Variants in HYDIN observed in about 807,000 individuals in gnomAD.
The protein encoded by HYDIN is HYDIN axonemal central pair apparatus protein.
Under a neutral mutation model 403.9 loss-of-function variants are expected in HYDIN, and 132 were observed. The observed-to-expected ratio is 0.33, with a 90% CI of 0.28 to 0.38. The LOEUF (loss-of-function observed/expected upper bound fraction) is 0.38, where lower values mean the gene tolerates loss of function less well. Ranked by LOEUF, HYDIN falls within the 10% of genes least tolerant of loss-of-function variation. The probability of loss-of-function intolerance (pLI) is 1.00; values close to 1 mark genes in which losing one functional copy is unlikely to be tolerated. For synonymous variants in HYDIN, 1,202 were observed against 1,891.7 expected (o/e 0.64, Z 9.46); for missense variants, 2,827 against 5,009.5 (o/e 0.56, Z 13.15).
At chr16:70,935,032 CT>C (rs1436384306) in intron 45 of HYDIN, among the ~76,000 whole-genome samples, 1 of 137,768 alleles carries the variant, frequency 7.3e-6, no homozygotes, top group Non-Finnish European at 1.6e-5. Flanking sequence ...AAGAAATTGA[CT>C]TTGTTTAATG....
At chr16:70,892,157 G>A (rs1326684206) in intron 56 of HYDIN, among the ~76,000 whole-genome samples, 1 of 149,010 alleles carries the variant, frequency 6.7e-6, no homozygotes, top group African/African-American at 2.5e-5. Flanking sequence ...CCAAAGACCT[G>A]GGGGCACATT....
At chr16:71,135,139 A>G (rs928412314) in intron 8 of HYDIN, among the ~76,000 whole-genome samples, 3 of 151,388 alleles carry the variant, frequency 2.0e-5, no homozygotes, top group Non-Finnish European at 4.4e-5. Context: ...GTTTCCAATC[A>G]TGGTTATAAA....
intron 7 of HYDIN, among the ~76,000 whole-genome samples, chr16:71,141,129 T>G (rs986546963): frequency 1.5e-4 from 22 of 150,138 alleles, no homozygotes; most frequent in African/African-American, 5.1e-4. Context: ...ATGGTAGCAG[T>G]GCATGAAGAG....
At position 70,805,969 on chromosome 16, in the gene HYDIN, TC is replaced by T. The variant is rs2035087600; in HGVS notation, c.*1610del. Among the ~76,000 whole-genome samples, 1 of 152,164 alleles carries T rather than the reference TC, an allele frequency of 6.6e-6. No homozygotes were observed. The highest frequency in any genetic ancestry group is 1.5e-5 in the Non-Finnish European group (1 of 68,032). Reference sequence around the variant, plus strand: ...TCCATCCTGCTCAGGATGTGAATCATCCCCTCGTCTAGCGTATGCATGCTGT... The same window carrying T: ...TCCATCCTGCTCAGGATGTGAATCATCCCTCGTCTAGCGTATGCATGCTGT... On this transcript the variant is annotated 3_prime_UTR_variant, in exon 86 of 86. Coordinates refer to ENST00000393567, the MANE Select transcript of HYDIN (RefSeq NM_001270974.2).
intron 1 of HYDIN, among the ~76,000 whole-genome samples, chr16:71,193,492 GTCTT>G (rs1234429002): frequency 6.6e-6 from 1 of 152,068 alleles, no homozygotes; most frequent in Non-Finnish European, 1.5e-5. Flanking sequence ...TTAAAGCTCT[GTCTT>G]TATAGATTTG....
At chr16:71,196,942 G>A (rs1448656269) in intron 1 of HYDIN, among the ~76,000 whole-genome samples, 1 of 152,084 alleles carries the variant, frequency 6.6e-6, no homozygotes, top group African/African-American at 2.4e-5. Flanking sequence ...ATAAAAATGG[G>A]TAACCAGCAG....
intron 1 of HYDIN, among the ~76,000 whole-genome samples, chr16:71,224,719 G>A (rs890481248): frequency 9.3e-5 from 14 of 151,020 alleles, no homozygotes; most frequent in Middle Eastern, 3.4e-3. Context: ...CCGCCACTAC[G>A]CCCGGCTAAT....
At chr16:70,982,604 A>G (rs2079079852) in intron 28 of HYDIN, among the ~76,000 whole-genome samples, 1 of 134,540 alleles carries the variant, frequency 7.4e-6, no homozygotes, top group Admixed American at 7.8e-5. Flanking sequence ...TGCAGATGGT[A>G]GCATACAGAG....
intron 19 of HYDIN, among the ~76,000 whole-genome samples, chr16:71,031,114 G>A (rs929464657): frequency 3.1e-4 from 46 of 149,516 alleles, no homozygotes; most frequent in African/African-American, 1.0e-3. Flanking sequence ...GCAGGAGAAT[G>A]GCGTGAACCC....
At chr16:70,823,871 C>T (rs868852804) in intron 83 of HYDIN, among the ~76,000 whole-genome samples, 51 of 145,566 alleles carry the variant, frequency 3.5e-4, no homozygotes, top group Middle Eastern at 7.0e-3. Flanking sequence ...AGCTCCTTGG[C>T]GGCTGCTGTG....
At chr16:71,158,674 A>T (rs566378690) in intron 6 of HYDIN, among the ~76,000 whole-genome samples, 6 of 148,980 alleles carry the variant, frequency 4.0e-5, no homozygotes, top group Admixed American at 1.3e-4. Context: ...CAATTGAAAA[A>T]GATGGTTTTT....
At chr16:70,978,080 A>ATC (rs2078938426) in intron 30 of HYDIN, among the ~76,000 whole-genome samples, 1 of 151,880 alleles carries the variant, frequency 6.6e-6, no homozygotes, top group South Asian at 2.1e-4. Flanking sequence ...GATGCACAGA[A>ATC]ATCTCACATT....
chr16:71,041,378 C>A (rs2081281875), intron 18 of HYDIN, among the ~76,000 whole-genome samples: 1 of 151,674 alleles, frequency 6.6e-6, no homozygotes, highest in African/African-American at 2.4e-5. Flanking sequence ...AACGGCATTT[C>A]TAGAAATTTA....
At chr16:71,064,478 A>G (rs1049242252) in intron 16 of HYDIN, among the ~76,000 whole-genome samples, 4 of 151,938 alleles carry the variant, frequency 2.6e-5, no homozygotes, top group African/African-American at 9.7e-5. Flanking sequence ...ATCAAGGGTA[A>G]TTTCTCTGGG....
intron 63 of HYDIN, 73 bp from the exon 64 acceptor site, chr16:70,874,665 A>T (rs2040339160): frequency 1.3e-6 from 1 of 783,834 alleles, no homozygotes; most frequent in Non-Finnish European, 1.9e-6. Flanking sequence ...ACCCCTGTTG[A>T]AGGGAAAGTA....
Position 71,044,009 on chromosome 16 carries a change from AAAGCAAGC to A in HYDIN, c.2530-12100_2530-12093del, listed in dbSNP as rs1232564580. Among the ~76,000 whole-genome samples, 3 of 152,102 alleles carry A rather than the reference AAAGCAAGC, an allele frequency of 2.0e-5. No individual in the cohort carries two copies. In the South Asian group the frequency reaches 6.3e-4, roughly 32 times the overall value. On this transcript the variant is annotated intron_variant, in intron 18 of 85. Coordinates refer to ENST00000393567, the MANE Select transcript of HYDIN (RefSeq NM_001270974.2). ...GAGAGAAAAAGAGAGAGAAAGAAAG[AAAGCAAGC>A]AAGCAAGGAAGCCTGCCTGCCTCTG...
At chr16:70,940,789 T>C (rs1418025043) in intron 43 of HYDIN, among the ~76,000 whole-genome samples, 2 of 152,214 alleles carry the variant, frequency 1.3e-5, no homozygotes, top group Admixed American at 6.5e-5. Flanking sequence ...ATTTCCTTAA[T>C]TGGAAAAGCA....
At chr16:71,115,300 A>T (rs1343531988) in intron 10 of HYDIN, among the ~76,000 whole-genome samples, 1 of 152,160 alleles carries the variant, frequency 6.6e-6, no homozygotes, top group Non-Finnish European at 1.5e-5. Flanking sequence ...CCTTGTGAAG[A>T]AGGTGCCTTG....
At chr16:70,966,700 T>C (rs538844895) in intron 36 of HYDIN, among the ~76,000 whole-genome samples, 230 of 151,488 alleles carry the variant, frequency 1.5e-3, no homozygotes, top group Non-Finnish European at 2.6e-3. Context: ...AAGAAAATTG[T>C]ATCTGATCTT....
Sources: allele counts gnomAD v4.1 joint callset (sites outside exome capture counted in the v4.1 genomes callset), GRCh38; gene constraint gnomAD v4.1.1; transcripts MANE v1.5; gene names NCBI Gene and HGNC (gene_info 2026-07-23, HGNC 2026-07-21).